Variants in SHISA9 observed in about 807,000 individuals in gnomAD.
The protein encoded by SHISA9 is shisa family member 9, also known as protein shisa-9.
Under a neutral mutation model 38.0 loss-of-function variants are expected in SHISA9, and 13 were observed. The ratio of observed to expected loss-of-function variants is 0.34; its 90% CI spans 0.22 to 0.54. The LOEUF is 0.54. SHISA9 is among the 20% of genes least tolerant of loss of function. The pLI is 0.91. For synonymous variants in SHISA9, 275 were observed against 242.0 expected (o/e 1.14, Z -1.27); for missense variants, 538 against 575.8 (o/e 0.93, Z 0.67).
chr16:13,142,897 T>G (rs1567225964), intron 2 of SHISA9, among the ~76,000 whole-genome samples: 1 of 152,144 alleles, frequency 6.6e-6, no homozygotes, highest in South Asian at 2.1e-4. Flanking sequence ...AATTTCCTTT[T>G]TTATATATTT....
Position 12,939,709 on chromosome 16 carries a change from C to G in SHISA9, c.691+22894C>G, listed in dbSNP as rs190256412. Reference sequence around the variant, plus strand: ...AACCTTCCTCTTTCCCCATCACCTGCCTCTCCCTGTCTATTGTGCTATTCA... The same window carrying G: ...AACCTTCCTCTTTCCCCATCACCTGGCTCTCCCTGTCTATTGTGCTATTCA... On this transcript the variant is annotated intron_variant, in intron 2 of 4. Coordinates refer to ENST00000558583, the MANE Select transcript of SHISA9 (RefSeq NM_001145204.3). 1.1e-4 allele frequency among the ~76,000 whole-genome samples: 16 copies of G among 152,284 alleles called. 1 individual carries two copies. The South Asian group carries it at 1.7e-3, about 16-fold the overall frequency.
the SHISA9 span, among the ~76,000 whole-genome samples, chr16:13,351,083 A>G: frequency 1.9e-4 from 29 of 152,236 alleles, no homozygotes; most frequent in Middle Eastern, 3.4e-3. Context: ...AATTGTCTCA[A>G]TTTTCAAAAC....
chr16:13,076,217 G>C (rs1363494765), intron 2 of SHISA9, among the ~76,000 whole-genome samples: 1 of 151,996 alleles, frequency 6.6e-6, no homozygotes, highest in African/African-American at 2.4e-5. Context: ...TTTTAGTAGA[G>C]ACGGGATTTC....
chr16:13,027,176 C>T (rs2072933200), intron 2 of SHISA9, among the ~76,000 whole-genome samples: 1 of 152,210 alleles, frequency 6.6e-6, no homozygotes, highest in Admixed American at 6.5e-5. Context: ...GAAGAGTCCT[C>T]AGCTTTCTTT....
the SHISA9 span, among the ~76,000 whole-genome samples, chr16:13,287,331 A>G: frequency 6.6e-6 from 1 of 152,184 alleles, no homozygotes; most frequent in South Asian, 2.1e-4. Flanking sequence ...TGGCAGAAAG[A>G]TAAGTTCATA....
At chr16:13,411,360 G>A in the SHISA9 span, among the ~76,000 whole-genome samples, 1 of 152,250 alleles carries the variant, frequency 6.6e-6, no homozygotes, top group Non-Finnish European at 1.5e-5. Flanking sequence ...CCTGGGCAGA[G>A]TAATGAACTT....
the SHISA9 span, among the ~76,000 whole-genome samples, chr16:13,268,460 G>A: frequency 6.6e-6 from 1 of 152,180 alleles, no homozygotes; most frequent in African/African-American, 2.4e-5. Flanking sequence ...AGTGGGCCAA[G>A]ATCGTGCCAT....
chr16:12,905,415 G>A (rs1290066494), intron 1 of SHISA9, among the ~76,000 whole-genome samples: 1 of 152,138 alleles, frequency 6.6e-6, no homozygotes, highest in South Asian at 2.1e-4. Flanking sequence ...AATAGGTTCT[G>A]GGTGGGCCCG....
the SHISA9 span, among the ~76,000 whole-genome samples, chr16:13,420,557 G>A: frequency 9.2e-4 from 140 of 152,246 alleles, no homozygotes; most frequent in Non-Finnish European, 1.7e-3. Context: ...TGGGGGATGG[G>A]GGGTAAGGAA....
In SHISA9 at chr16:12,966,766, A is replaced by G. The variant is rs577917437; in HGVS notation, c.691+49951A>G. Reference sequence around the variant, plus strand: ...CTAAGAAAATTTACTGAGTAAATGAATGAAAAGAAAAAGAAGCCTTGGAGG... The same window carrying G: ...CTAAGAAAATTTACTGAGTAAATGAGTGAAAAGAAAAAGAAGCCTTGGAGG... On this transcript the variant is annotated intron_variant, in intron 2 of 4. Coordinates refer to ENST00000558583, the MANE Select transcript of SHISA9 (RefSeq NM_001145204.3). Among the ~76,000 whole-genome samples, 15 of 152,340 alleles carry G rather than the reference A, an allele frequency of 9.8e-5. No homozygotes were observed. In the South Asian group the frequency reaches 2.9e-3, roughly 29 times the overall value.
chr16:13,533,056 A>G, the SHISA9 span, among the ~76,000 whole-genome samples: 99 of 152,082 alleles, frequency 6.5e-4, no homozygotes, highest in East Asian at 4.6e-3. Flanking sequence ...TCATTCTCCA[A>G]TTACATCCTC....
the SHISA9 span, among the ~76,000 whole-genome samples, chr16:13,340,512 G>T: frequency 6.6e-6 from 1 of 152,140 alleles, no homozygotes; most frequent in South Asian, 2.1e-4. Flanking sequence ...ATTGGACCAG[G>T]GTAGACACAT....
At chr16:13,253,068 C>T in the SHISA9 span, among the ~76,000 whole-genome samples, 2 of 152,146 alleles carry the variant, frequency 1.3e-5, no homozygotes, top group East Asian at 1.9e-4. Flanking sequence ...TATATTTTCC[C>T]TTCCTCGTGA....
chr16:13,295,383 C>G, the SHISA9 span, among the ~76,000 whole-genome samples: 2 of 152,140 alleles, frequency 1.3e-5, no homozygotes, highest in Non-Finnish European at 2.9e-5. Context: ...GGCCTCCTAC[C>G]CTTCTGGAAA....
At chr16:13,474,783 C>T in the SHISA9 span, among the ~76,000 whole-genome samples, 1 of 152,100 alleles carries the variant, frequency 6.6e-6, no homozygotes. Context: ...AATAAGACAA[C>T]CATGTGAAAA....
chr16:13,257,883 T>C, the SHISA9 span, among the ~76,000 whole-genome samples: 32,605 of 152,148 alleles, frequency 0.21, 3,814 homozygotes, highest in East Asian at 0.4. Context: ...TTTGGTGACA[T>C]AAACCTGTGC....
intron 2 of SHISA9, among the ~76,000 whole-genome samples, chr16:13,093,106 T>A (rs1315242174): frequency 6.6e-6 from 1 of 151,912 alleles, no homozygotes; most frequent in South Asian, 2.1e-4. Context: ...GGGCATAGAG[T>A]CCTGGGTTCT....
intron 2 of SHISA9, among the ~76,000 whole-genome samples, chr16:12,964,171 A>G (rs920976567): frequency 4.6e-5 from 7 of 152,208 alleles, no homozygotes; most frequent in African/African-American, 1.4e-4. Context: ...AAATTTGAAA[A>G]GGATTTAGAA....
At chr16:13,088,444 G>T (rs940325253) in intron 2 of SHISA9, among the ~76,000 whole-genome samples, 3 of 152,182 alleles carry the variant, frequency 2.0e-5, no homozygotes, top group African/African-American at 4.8e-5. Context: ...TCCTATCCAT[G>T]AGCTTGGAAT....
Sources: gnomAD v4.1 joint callset for allele counts (sites outside exome capture counted in the v4.1 genomes callset) on GRCh38, gnomAD v4.1.1 for gene constraint, MANE v1.5 for transcripts, NCBI Gene and HGNC (gene_info 2026-07-23, HGNC 2026-07-21) for gene names.